Variants in MTHFS observed in about 807,000 individuals in gnomAD.
MTHFS encodes methenyltetrahydrofolate synthetase.
MTHFS carries 7 observed loss-of-function variants against 12.7 expected under a neutral mutation model. The ratio of observed to expected loss-of-function variants is 0.55; its 90% CI spans 0.31 to 1.03. MTHFS has a LOEUF of 1.03. Among genes scored for constraint, MTHFS ranks in the 50% least tolerant of loss-of-function variants. The probability of loss-of-function intolerance (pLI) is 0.05; values close to 1 mark genes in which losing one functional copy is unlikely to be tolerated. For synonymous variants in MTHFS, 100 were observed against 97.1 expected, an observed-to-expected ratio of 1.03 and a Z score of -0.18; for missense variants, 252 against 258.1, an observed-to-expected ratio of 0.98 and a Z score of 0.16.
chr15:79,896,860 G>A lies in MTHFS; in HGVS notation c.117+12C>T, dbSNP rs575753275. The A allele has an allele frequency of 7.1e-6, 11 of 1,541,662 alleles. No individual in the cohort carries two copies. In the South Asian group the frequency reaches 9.5e-5, roughly 13 times the overall value. Reference sequence around the variant, plus strand: ...CTGTCCGCCGCGGCTTCCGCTACGGGCGGCCTCGCACCTTCTGGCTCAGTA... The same window carrying A: ...CTGTCCGCCGCGGCTTCCGCTACGGACGGCCTCGCACCTTCTGGCTCAGTA... On this transcript the variant is annotated intron_variant, in intron 1 of 2. Transcript: ENST00000258874.
chr15:79,864,294 C>G (rs1342749624), intron 2 of MTHFS, among the ~76,000 whole-genome samples: 1 of 152,016 alleles, frequency 6.6e-6, no homozygotes, highest in African/African-American at 2.4e-5. Flanking sequence ...CCTGTAATCC[C>G]AGCACTCTGG....
chr15:79,862,792 T>A (rs761749197), intron 2 of MTHFS, among the ~76,000 whole-genome samples: 8 of 152,186 alleles, frequency 5.3e-5, no homozygotes, highest in Admixed American at 2.0e-4. Context: ...TCAAAAACAT[T>A]TCACCTAGAA....
chr15:79,855,945 C>T (rs182400722), intron 2 of MTHFS, among the ~76,000 whole-genome samples: 16 of 152,214 alleles, frequency 1.1e-4, no homozygotes, highest in Non-Finnish European at 1.9e-4. Flanking sequence ...GATTCCATGT[C>T]TTTGCTATTA....
intron 2 of MTHFS, among the ~76,000 whole-genome samples, chr15:79,851,166 C>T (rs577971776): frequency 1.3e-5 from 2 of 152,262 alleles, no homozygotes; most frequent in Middle Eastern, 3.4e-3. Context: ...ACTTATTTAT[C>T]ATAACAATCA....
At chr15:79,896,768 C>G in intron 1 of MTHFS, 104 bp downstream of exon 1, 1 of 1,456,476 alleles carries the variant, frequency 6.9e-7, no homozygotes, top group Non-Finnish European at 9.1e-7. Flanking sequence ...TGGGGGGGCG[C>G]CTAGCCCAGC....
chr15:79,889,616 G>A (rs2034439950), intron 1 of MTHFS, among the ~76,000 whole-genome samples: 1 of 152,120 alleles, frequency 6.6e-6, no homozygotes, highest in South Asian at 2.1e-4. Flanking sequence ...CTCATTAAAA[G>A]GTCACTGTGG....
At chr15:79,886,220 C>T (rs1408187831) in intron 2 of MTHFS, among the ~76,000 whole-genome samples, 2 of 151,972 alleles carry the variant, frequency 1.3e-5, no homozygotes, top group Admixed American at 6.5e-5. Flanking sequence ...GCTACACCAA[C>T]GACAGCCTGA....
intron 2 of MTHFS, among the ~76,000 whole-genome samples, chr15:79,872,086 A>T (rs1413229479): frequency 7.1e-6 from 1 of 141,558 alleles, no homozygotes; most frequent in Non-Finnish European, 1.5e-5. Context: ...GCCTGGCGAC[A>T]GAGCAAGACT....
chr15:79,849,121 G>A (rs2033668677), intron 2 of MTHFS, among the ~76,000 whole-genome samples: 1 of 152,146 alleles, frequency 6.6e-6, no homozygotes. Flanking sequence ...GCCCTTCCTA[G>A]GTGGAGGTCC....
chr15:79,889,361 G>A lies in MTHFS; in HGVS notation c.118-7C>T. 1.2e-6 allele frequency: 2 copies of A among 1,608,794 alleles called. No homozygotes were observed. Among genetic ancestry groups the A allele is most frequent in the Non-Finnish European group, 1.7e-6 (2 of 1,176,702 alleles). ...ACTCACTGTGGGCAATCACCTAAAT[G>A]GGAAATTATGGCAATTATATTTTCC... On this transcript the variant is annotated splice_region_variant and splice_polypyrimidine_tract_variant and intron_variant, in intron 1 of 2. Transcript: ENST00000258874.
At chr15:79,851,237 A>C (rs949774018) in intron 2 of MTHFS, among the ~76,000 whole-genome samples, 2 of 152,200 alleles carry the variant, frequency 1.3e-5, no homozygotes, top group African/African-American at 4.8e-5. Context: ...TGGTGTGACC[A>C]GCTCTTATCC....
intron 1 of MTHFS, among the ~76,000 whole-genome samples, chr15:79,896,049 C>A (rs148908090): frequency 6.6e-6 from 1 of 152,324 alleles, no homozygotes; most frequent in Non-Finnish European, 1.5e-5. Context: ...GATAAGAAAA[C>A]TGACATTACA....
At chr15:79,892,060 T>A (rs1365310198) in intron 1 of MTHFS, among the ~76,000 whole-genome samples, 3 of 151,328 alleles carry the variant, frequency 2.0e-5, no homozygotes. Context: ...AGGAAAATAA[T>A]TTTAAATTTG....
upstream of MTHFS, chr15:79,897,128 G>C: frequency 2.7e-6 from 2 of 754,224 alleles, no homozygotes; most frequent in Non-Finnish European, 3.8e-6. Context: ...CCCCGCTTCC[G>C]GGACGCGGGC....
intron 2 of MTHFS, among the ~76,000 whole-genome samples, chr15:79,888,569 G>T (rs970902853): frequency 1.3e-5 from 2 of 152,214 alleles, no homozygotes; most frequent in African/African-American, 4.8e-5. Context: ...CAGTGGGTTG[G>T]AGAGAAATGG....
intron 1 of MTHFS, among the ~76,000 whole-genome samples, chr15:79,895,663 C>T (rs1286328033): frequency 1.3e-5 from 2 of 152,194 alleles, no homozygotes; most frequent in South Asian, 2.1e-4. Flanking sequence ...TTTGAACGAA[C>T]GAATTAACAT....
intron 2 of MTHFS, among the ~76,000 whole-genome samples, chr15:79,849,536 T>C (rs1481672840): frequency 2.0e-5 from 3 of 151,998 alleles, no homozygotes; most frequent in Non-Finnish European, 4.4e-5. Context: ...CTAATAGAGG[T>C]AGACACCAGA....
At chr15:79,851,655 C>T (rs2033718920) in intron 2 of MTHFS, among the ~76,000 whole-genome samples, 1 of 152,150 alleles carries the variant, frequency 6.6e-6, no homozygotes, top group South Asian at 2.1e-4. Context: ...CTATTATCCC[C>T]ATTTCACAAA....
intron 2 of MTHFS, among the ~76,000 whole-genome samples, chr15:79,849,682 G>A (rs949419476): frequency 4.6e-5 from 7 of 152,388 alleles, no homozygotes; most frequent in African/African-American, 1.7e-4. Context: ...AGCGTCCACT[G>A]ACAGTGCAAT....
Sources: gnomAD v4.1 joint callset for allele counts (sites outside exome capture counted in the v4.1 genomes callset) on GRCh38, gnomAD v4.1.1 for gene constraint, MANE v1.5 for transcripts, NCBI Gene and HGNC (gene_info 2026-07-23, HGNC 2026-07-21) for gene names.